Variants in DPH1 observed in about 807,000 individuals in gnomAD.
DPH1 encodes the protein 2-(3-amino-3-carboxypropyl)histidine synthase subunit 1.
In DPH1, 59 loss-of-function variants were observed where a neutral mutation model predicts 55.3. That is an observed-to-expected ratio of 1.07 (90% CI 0.87 to 1.33). DPH1 has a LOEUF of 1.33. Ranked by LOEUF, DPH1 falls within the 40% of genes most tolerant of loss-of-function variation. The pLI, the probability that DPH1 is intolerant of heterozygous loss-of-function variation, is 0.00. For missense variants in DPH1, 628 were observed against 584.8 expected (o/e 1.07, Z -0.76); for synonymous variants, 238 against 235.5 (o/e 1.01, Z -0.10).
chr17:2,037,756 C>T (rs1393759455), intron 6 of DPH1, among the ~76,000 whole-genome samples: 1 of 152,202 alleles, frequency 6.6e-6, no homozygotes, highest in East Asian at 1.9e-4. Flanking sequence ...GCTCTGTAAT[C>T]TTCATGGGCT....
At chr17:2,040,981 A>ACTT (rs2067510577) in intron 9 of DPH1, 122 bp from the exon 10 acceptor site, 1 of 958,592 alleles carries the variant, frequency 1.0e-6, no homozygotes, top group Non-Finnish European at 1.6e-6. Context: ...CACTGTCTTT[A>ACTT]CTTTAGGATT....
Position 2,042,816 on chromosome 17 carries a change from C to G in DPH1, c.*230C>G, listed in dbSNP as rs538655219. The G allele has an allele frequency of 6.2e-7, 1 of 1,614,032 alleles. No homozygotes were observed. Among genetic ancestry groups the G allele is most frequent in the African/African-American group, 1.3e-5 (1 of 75,048 alleles). ...TAGCAGCCCTTGTGTGTGCCCTGGG[C>G]CAGGCAGGCGATCCCCGCTTCCCCT... is the stretch of plus-strand genomic sequence containing the variant. On this transcript the variant is annotated 3_prime_UTR_variant, in exon 13 of 13. Transcript: ENST00000263083.
intron 3 of DPH1, among the ~76,000 whole-genome samples, 154 bp downstream of exon 3, chr17:2,033,996 G>A (rs2067368084): frequency 6.6e-6 from 1 of 151,946 alleles, no homozygotes; most frequent in African/African-American, 2.4e-5. Flanking sequence ...CACACTCAGG[G>A]AAAACCCAAA....
At chr17:2,033,963 C>T in intron 3 of DPH1, 121 bp downstream of exon 3, 1 of 1,094,628 alleles carries the variant, frequency 9.1e-7, no homozygotes, top group South Asian at 1.3e-5. Flanking sequence ...CCACCTTCCC[C>T]CTTTCCCTCC....
At position 2,042,762 on chromosome 17, in the gene DPH1, C is replaced by A; in HGVS notation, c.*176C>A. On this transcript the variant is annotated 3_prime_UTR_variant, in exon 13 of 13. Coordinates refer to ENST00000263083, the MANE Select transcript of DPH1 (RefSeq NM_001383.6). ...TGAACAGGCTGGGGCCTTTTGACGG[C>A]CTTCTTGGTTTCAGCCAAGGGGCTG... 1 of 1,607,636 alleles carries A rather than the reference C, an allele frequency of 6.2e-7. No homozygotes were observed. Among genetic ancestry groups the A allele is most frequent in the Non-Finnish European group, 8.5e-7 (1 of 1,177,312 alleles).
chr17:2,041,892 TG>T lies in DPH1; in HGVS notation c.*18+20del. ...GGGCCTCAGGTATCAGCCCCCGCTC[TG>T]GGTGCGCCCCGCCTTTTGCCGTTGT... On this transcript the variant is annotated intron_variant, in intron 12 of 12. Transcript: ENST00000263083. 6.4e-7 allele frequency: 1 copy of T among 1,556,734 alleles called. No individual in the cohort carries two copies. The highest frequency in any genetic ancestry group is 8.7e-7 in the Non-Finnish European group (1 of 1,155,686).
intron 3 of DPH1, 60 bp downstream of exon 3, chr17:2,033,902 T>C (rs2067366782): frequency 1.3e-6 from 2 of 1,599,698 alleles, no homozygotes; most frequent in African/African-American, 2.7e-5. Context: ...CCTATGCTCA[T>C]TACCCGGGTG....
chr17:2,036,508 C>T lies in DPH1; in HGVS notation c.401-21C>T, dbSNP rs1352888116. ...CTGCTCCTGCCTTCCCAAACAGCCC[C>T]TGAACTCCTCCCTCCCACAGTTCCC... On this transcript the variant is annotated intron_variant, in intron 4 of 12. Transcript: ENST00000263083. This position sits in a 1 kb window ranked among gnomAD's most constrained non-coding sequence, Gnocchi z 4.8. The T allele has an allele frequency of 6.2e-7, 1 of 1,613,008 alleles. No individual in the cohort carries two copies. The highest frequency in any genetic ancestry group is 2.2e-5 in the East Asian group (1 of 44,854).
Position 2,036,230 on chromosome 17 carries a change from T to C in DPH1, c.400+139T>C. On this transcript the variant is annotated intron_variant, in intron 4 of 12. Coordinates refer to ENST00000263083, the MANE Select transcript of DPH1 (RefSeq NM_001383.6). The surrounding 1 kb of genome is among the most constrained non-coding windows in gnomAD (Gnocchi z 4.8). ...CCTGGTTTCTGGGGTGGCCTCTGCC[T>C]TCCCGCTCTGCAGGTAGATCTTTCC... 7.1e-7 allele frequency: 1 copy of C among 1,409,976 alleles called. No individual in the cohort carries two copies. Among genetic ancestry groups the C allele is most frequent in the Middle Eastern group, 2.5e-4 (1 of 4,042 alleles). 87.3% of individuals were successfully genotyped at this position (1,409,976 alleles called of 1,614,324 possible).
chr17:2,037,065 G>A lies in DPH1; in HGVS notation c.680+109G>A, dbSNP rs917100585. 5 of 1,464,110 alleles carry A rather than the reference G, an allele frequency of 3.4e-6. No homozygotes were observed. The African/African-American group carries it at 5.7e-5, about 17-fold the overall frequency. The allele number at this position is 1,464,110 out of a possible 1,614,324, so 90.7% of individuals were successfully genotyped here. A position where few individuals can be genotyped will look rare whatever the true frequency, so the allele number is the denominator to read the frequency against. ...AAACCAAATCTAATGCTCCTTACCT[G>A]TGAGCCCGAGGTCACACTGCAAGGT... On this transcript the variant is annotated intron_variant, in intron 6 of 12. Coordinates refer to ENST00000263083, the MANE Select transcript of DPH1 (RefSeq NM_001383.6).
intron 10 of DPH1, 96 bp from the exon 11 acceptor site, chr17:2,041,385 G>C: frequency 6.6e-7 from 1 of 1,523,308 alleles, no homozygotes; most frequent in Non-Finnish European, 8.9e-7. Context: ...GCAGGGGACA[G>C]TGTGCCCTTC....
rs181803178 is a variant in DPH1 at position 2,033,556 on chromosome 17, A to G, written c.113A>G (p.Lys38Arg). 3.7e-6 allele frequency: 6 copies of G among 1,614,204 alleles called. No homozygotes were observed. Among genetic ancestry groups the G allele is most frequent in the Non-Finnish European group, 5.1e-6 (6 of 1,180,034 alleles). The change falls in exon 2 of 13, where the codon AAG (lysine) becomes AGG (arginine). Residue 38 changes from lysine (K) to arginine (R), a missense_variant. By Grantham distance (26) the Lys-to-Arg change is conservative. Transcript: ENST00000263083. ...AATCAGATCCCCCCTGAGATCCTGA[A>G]GAACCCTCAGCTGCAGGCAGCAATC... ...VANQIPPEIL[K>R]NPQLQAAIRV...
chr17:2,035,758 C>G (rs887802709), intron 3 of DPH1, among the ~76,000 whole-genome samples: 2 of 152,112 alleles, frequency 1.3e-5, no homozygotes, highest in East Asian at 3.8e-4. Context: ...GGTCCTCACG[C>G]AGCAACAGTT....
intron 1 of DPH1, among the ~76,000 whole-genome samples, chr17:2,032,058 TGAG>T (rs1220617427): frequency 6.6e-6 from 1 of 152,166 alleles, no homozygotes; most frequent in Non-Finnish European, 1.5e-5. Context: ...CCCTTTTAAA[TGAG>T]GAGAGGTAAG....
At chr17:2,041,973 G>A (rs2067538300) in intron 12 of DPH1, 98 bp downstream of exon 12, 1 of 1,503,242 alleles carries the variant, frequency 6.7e-7, no homozygotes, top group East Asian at 2.5e-5. Context: ...CTGACGTTCG[G>A]TTCCGCCCCG....
chr17:2,040,427 T>G, intron 8 of DPH1, 53 bp downstream of exon 8: 1 of 1,613,528 alleles, frequency 6.2e-7, no homozygotes, highest in Non-Finnish European at 8.5e-7. Flanking sequence ...GGAACACAGC[T>G]GGGAAAACCA....
rs1480456665 is a variant in DPH1 at position 2,043,289 on chromosome 17, C to A, written c.*703C>A. ...TGCCCTGTACTGAAGAAAAGGGGAGCACAAGGCCTTAATGGACATTGACTT... is the reference window on the plus strand; with the variant it reads ...TGCCCTGTACTGAAGAAAAGGGGAGAACAAGGCCTTAATGGACATTGACTT... On this transcript the variant is annotated 3_prime_UTR_variant, in exon 13 of 13. Coordinates refer to ENST00000263083, the MANE Select transcript of DPH1 (RefSeq NM_001383.6). 5.8e-6 allele frequency: 4 copies of A among 695,328 alleles called. No homozygotes were observed. In the Admixed American group the frequency reaches 1.2e-4, roughly 21 times the overall value. 43.1% of individuals were successfully genotyped at this position (695,328 alleles called of 1,614,324 possible).
chr17:2,039,689 T>TTCTAAGGCAC, intron 6 of DPH1, 66 bp from the exon 7 acceptor site: 1 of 1,608,966 alleles, frequency 6.2e-7, no homozygotes, highest in Non-Finnish European at 8.5e-7. Flanking sequence ...CCCTGTGGAC[T>TTCTAAGGCAC]TCTAAGCCAG....
In DPH1 at chr17:2,042,609, C is replaced by T. The variant is rs776735798; in HGVS notation, c.*23C>T. 1.3e-6 allele frequency: 2 copies of T among 1,519,088 alleles called. No individual in the cohort carries two copies. Among genetic ancestry groups the T allele is most frequent in the Non-Finnish European group, 1.8e-6 (2 of 1,136,596 alleles). 94.1% of individuals were successfully genotyped at this position (1,519,088 alleles called of 1,614,324 possible). On this transcript the variant is annotated 3_prime_UTR_variant, in exon 13 of 13. Transcript: ENST00000263083. ...TTTTTCCTCATATCGCTGTAGGGTC[C>T]TGCCCTCCGGAGGAGCAGCCTCGAG...
Sources: gnomAD v4.1 joint callset for allele counts (sites outside exome capture counted in the v4.1 genomes callset) on GRCh38, gnomAD v4.1.1 for gene constraint, Gnocchi (gnomAD v3.1) non-coding constraint, MANE v1.5 for transcripts, NCBI Gene and HGNC (gene_info 2026-07-23, HGNC 2026-07-21) for gene names.